Variants in CYP7B1 observed in about 807,000 individuals in gnomAD.
CYP7B1 encodes cytochrome P450 7B1.
In CYP7B1, 29 loss-of-function variants were observed where a neutral mutation model predicts 42.7. The observed-to-expected ratio is 0.68, with a 90% CI of 0.51 to 0.93. The LOEUF (loss-of-function observed/expected upper bound fraction) is 0.93. Ranked by LOEUF, CYP7B1 falls within the 40% of genes least tolerant of loss-of-function variation. CYP7B1 has a pLI of 0.00. For missense variants in CYP7B1, 655 were observed against 600.5 expected, an observed-to-expected ratio of 1.09 and a Z score of -0.95; for synonymous variants, 235 against 218.2, an observed-to-expected ratio of 1.08 and a Z score of -0.68.
At chr8:64,661,388 C>T (rs75463725) in intron 1 of CYP7B1, among the ~76,000 whole-genome samples, 10,184 of 152,222 alleles carry the variant, frequency 0.067, 408 homozygotes, top group South Asian at 0.16. Flanking sequence ...AGTTAGCTTC[C>T]GTCAGCTCAA....
chr8:64,670,603 C>T (rs1002356637), intron 1 of CYP7B1, among the ~76,000 whole-genome samples: 1 of 152,194 alleles, frequency 6.6e-6, no homozygotes, highest in Non-Finnish European at 1.5e-5. Context: ...AGGAGCGCCA[C>T]TCATTCTGCA....
intron 1 of CYP7B1, among the ~76,000 whole-genome samples, chr8:64,655,484 C>T (rs1806108119): frequency 6.6e-6 from 1 of 152,134 alleles, no homozygotes; most frequent in South Asian, 2.1e-4. Flanking sequence ...CCATCTCACA[C>T]CAGTCAGAAT....
chr8:64,645,095 AT>A (rs1805929230), intron 1 of CYP7B1, among the ~76,000 whole-genome samples: 1 of 151,374 alleles, frequency 6.6e-6, no homozygotes, highest in African/African-American at 2.4e-5. Context: ...TGAACTCATC[AT>A]TTTTTATGGC....
intron 1 of CYP7B1, among the ~76,000 whole-genome samples, chr8:64,765,716 G>A (rs749176410): frequency 2.0e-5 from 3 of 152,154 alleles, no homozygotes; most frequent in Non-Finnish European, 4.4e-5. Flanking sequence ...ACTAATGCTC[G>A]TCAGAAAATG....
intron 1 of CYP7B1, among the ~76,000 whole-genome samples, chr8:64,781,924 T>C (rs1804430529): frequency 6.6e-6 from 1 of 152,150 alleles, no homozygotes; most frequent in Non-Finnish European, 1.5e-5. Context: ...CTTTTGAAAA[T>C]TGCTTAATAA....
intron 1 of CYP7B1, among the ~76,000 whole-genome samples, chr8:64,638,864 T>C (rs1015700568): frequency 2.6e-5 from 4 of 151,900 alleles, no homozygotes; most frequent in South Asian, 2.1e-4. Context: ...TGCATGAACA[T>C]GTATATGTAT....
intron 1 of CYP7B1, among the ~76,000 whole-genome samples, chr8:64,671,644 A>G (rs1449192768): frequency 1.3e-5 from 2 of 152,130 alleles, no homozygotes; most frequent in African/African-American, 4.8e-5. Flanking sequence ...AGCCTGCCCT[A>G]TGGATTTTGG....
At chr8:64,721,878 A>C (rs1399007755) in intron 1 of CYP7B1, among the ~76,000 whole-genome samples, 1 of 152,222 alleles carries the variant, frequency 6.6e-6, no homozygotes, top group East Asian at 1.9e-4. Flanking sequence ...TTATTCAAAT[A>C]AGTCAAAAGA....
intron 1 of CYP7B1, among the ~76,000 whole-genome samples, chr8:64,756,758 T>G (rs1434695613): frequency 6.6e-6 from 1 of 152,192 alleles, no homozygotes; most frequent in Non-Finnish European, 1.5e-5. Context: ...AAACTGAGAC[T>G]CAGAGAAGTT....
At chr8:64,713,809 T>C (rs927815770) in intron 1 of CYP7B1, among the ~76,000 whole-genome samples, 20 of 152,296 alleles carry the variant, frequency 1.3e-4, no homozygotes, top group African/African-American at 4.3e-4. Context: ...GCCCAAATTT[T>C]CCCAAATTTG....
chr8:64,634,705 G>T (rs983339113), intron 1 of CYP7B1, among the ~76,000 whole-genome samples: 3 of 152,080 alleles, frequency 2.0e-5, no homozygotes, highest in Admixed American at 2.0e-4. Flanking sequence ...TGAATCAAAG[G>T]TTGATTTTTT....
intron 1 of CYP7B1, among the ~76,000 whole-genome samples, chr8:64,672,429 C>G (rs1806380716): frequency 1.3e-5 from 2 of 152,124 alleles, no homozygotes; most frequent in Admixed American, 1.3e-4. Context: ...TATTATTCCC[C>G]TTCTTAATTC....
chr8:64,623,535 G>A (rs1197639895), intron 2 of CYP7B1, among the ~76,000 whole-genome samples: 1 of 152,174 alleles, frequency 6.6e-6, no homozygotes, highest in African/African-American at 2.4e-5. Context: ...TTGTTACTCA[G>A]CAATCAATAG....
intron 1 of CYP7B1, among the ~76,000 whole-genome samples, chr8:64,775,364 C>T (rs1471617286): frequency 2.6e-5 from 4 of 152,070 alleles, no homozygotes; most frequent in Admixed American, 6.6e-5. Context: ...AGTTATATTC[C>T]TTATAGTAAA....
intron 4 of CYP7B1, among the ~76,000 whole-genome samples, chr8:64,608,927 C>T (rs1203293748): frequency 6.6e-6 from 1 of 152,162 alleles, no homozygotes; most frequent in East Asian, 1.9e-4. Flanking sequence ...TGGTTCACTG[C>T]TAAAATACAG....
At position 64,624,537 on chromosome 8, in the gene CYP7B1, C is replaced by T. The variant is rs375384257; in HGVS notation, c.125G>A (p.Arg42Lys). The change falls in exon 2 of 6, where the codon AGA becomes AAA. Residue 42 changes from arginine to lysine, a missense_variant and splice_region_variant. Transcript: ENST00000310193. Reference sequence around the variant, plus strand: ...TTTTATCAATGGAGGCTCACCGGGTCTCCTACAAGGAAAAAAAAAAAGATA... The same window carrying T: ...TTTTATCAATGGAGGCTCACCGGGTTTCCTACAAGGAAAAAAAAAAAGATA... Reference protein sequence around the residue: ...ALCLLVRRTRRPGEPPLIKGW... With the variant: ...ALCLLVRRTRKPGEPPLIKGW... 73 of 1,612,438 alleles carry T rather than the reference C, an allele frequency of 4.5e-5. No individual in the cohort carries two copies. Among genetic ancestry groups the T allele is most frequent in the Admixed American group, 3.7e-4 (22 of 59,858 alleles).
downstream of CYP7B1, among the ~76,000 whole-genome samples, chr8:64,586,984 T>C (rs973620395): frequency 6.6e-6 from 1 of 152,096 alleles, no homozygotes; most frequent in African/African-American, 2.4e-5. Context: ...AGTTTAACAG[T>C]AGAAACAACT....
chr8:64,587,353 G>A (rs1804982709), downstream of CYP7B1, among the ~76,000 whole-genome samples: 1 of 152,198 alleles, frequency 6.6e-6, no homozygotes. Flanking sequence ...CCCTGCGGGC[G>A]CAATTGTCCT....
intron 1 of CYP7B1, among the ~76,000 whole-genome samples, chr8:64,719,296 A>G (rs1008059255): frequency 2.6e-5 from 4 of 152,196 alleles, no homozygotes; most frequent in Non-Finnish European, 4.4e-5. Context: ...TAAGATCCCC[A>G]CAAAGCAAAA....
Sources: allele counts gnomAD v4.1 joint callset (sites outside exome capture counted in the v4.1 genomes callset), GRCh38; gene constraint gnomAD v4.1.1; transcripts MANE v1.5; gene names NCBI Gene and HGNC (gene_info 2026-07-23, HGNC 2026-07-21).